H3C10: variants seen among roughly 807,000 people sequenced by gnomAD.
H3C10 encodes histone H3.1.
H3C10 carries 8 observed loss-of-function variants against 6.8 expected under a neutral mutation model. That is an observed-to-expected ratio of 1.17 (90% CI 0.69 to 2.12). H3C10 has a LOEUF of 2.12. Among genes scored for constraint, H3C10 ranks in the 30% most tolerant of loss-of-function variants. H3C10 has a pLI of 0.00. For synonymous variants in H3C10, 122 were observed against 81.3 expected, an observed-to-expected ratio of 1.50 and a Z score of -2.69; for missense variants, 163 against 195.3, an observed-to-expected ratio of 0.83 and a Z score of 0.98.
chr6:27,810,153 G>C lies in H3C10; in HGVS notation c.80G>C (p.Arg27Pro). 1 of 1,614,126 alleles carries C rather than the reference G, an allele frequency of 6.2e-7. No homozygotes were observed. The highest frequency in any genetic ancestry group is 8.5e-7 in the Non-Finnish European group (1 of 1,180,026). The part of the protein sequence containing the change: ...PRKQLATKAA[R>P]KSAPATGGVK... ...AAGCAGCTGGCCACCAAGGCGGCTCGGAAGAGCGCTCCGGCCACCGGCGGT... is the reference window on the plus strand; with the variant it reads ...AAGCAGCTGGCCACCAAGGCGGCTCCGAAGAGCGCTCCGGCCACCGGCGGT... Residue 27 changes from arginine to proline, a missense_variant, in exon 1 of 1, where the codon CGG becomes CCG. Coordinates refer to ENST00000685041, the MANE Select transcript of H3C10 (RefSeq NM_003536.3).
At position 27,810,082 on chromosome 6, in the gene H3C10, T is replaced by A; in HGVS notation, c.9T>A (p.Arg3=). MA[R]TKQTARKSTG... The stretch of plus-strand genomic sequence containing the variant: ...AATCTAGCTCTGAAGGCATGGCGCG[T>A]ACGAAGCAGACTGCTCGCAAGTCCA... Residue 3 remains arginine (R), a synonymous_variant, in exon 1 of 1, where the codon CGT becomes CGA. Coordinates refer to ENST00000685041, the MANE Select transcript of H3C10 (RefSeq NM_003536.3). The A allele has an allele frequency of 6.2e-7, 1 of 1,614,030 alleles. No homozygotes were observed. Among genetic ancestry groups the A allele is most frequent in the South Asian group, 1.1e-5 (1 of 91,074 alleles).
In H3C10 at chr6:27,810,073, C is replaced by T. The variant is rs554898930; in HGVS notation, c.-1C>T. 39 of 1,613,882 alleles carry T rather than the reference C, an allele frequency of 2.4e-5. No homozygotes were observed. The highest frequency in any genetic ancestry group is 7.7e-5 in the South Asian group (7 of 91,050). On this transcript the variant is annotated 5_prime_UTR_variant, in exon 1 of 1. Coordinates refer to ENST00000685041, the MANE Select transcript of H3C10 (RefSeq NM_003536.3). ...CCTGAAGTGAATCTAGCTCTGAAGG[C>T]ATGGCGCGTACGAAGCAGACTGCTC...
At position 27,810,258 on chromosome 6, in the gene H3C10, T is replaced by G. The variant is rs576241434; in HGVS notation, c.185T>G (p.Leu62Arg). Residue 62 changes from leucine (L) to arginine (R), a missense_variant, in exon 1 of 1, where the codon CTG becomes CGG. Physicochemically the swap from Leu to Arg is moderately radical, Grantham distance 102. Transcript: ENST00000685041. ...IRRYQKSTEL[L>R]IRKLPFQRLV... The stretch of plus-strand genomic sequence containing the variant: ...CGCTACCAGAAGTCCACCGAGCTGC[T>G]GATCAGAAAGCTGCCTTTTCAGCGT... 6.2e-7 allele frequency: 1 copy of G among 1,614,214 alleles called. No individual in the cohort carries two copies. Among genetic ancestry groups the G allele is most frequent in the African/African-American group, 1.3e-5 (1 of 75,056 alleles).
At position 27,810,282 on chromosome 6, in the gene H3C10, G is replaced by C; in HGVS notation, c.209G>C (p.Arg70Pro). ...ELLIRKLPFQ[R>P]LVREIAQDFK... ...CTGATCAGAAAGCTGCCTTTTCAGC[G>C]TCTGGTGCGTGAGATCGCGCAGGAC... Residue 70 changes from arginine (R) to proline (P), a missense_variant, in exon 1 of 1, where the codon CGT (arginine) becomes CCT (proline). Coordinates refer to ENST00000685041, the MANE Select transcript of H3C10 (RefSeq NM_003536.3). 1 of 1,614,218 alleles carries C rather than the reference G, an allele frequency of 6.2e-7. No homozygotes were observed. The highest frequency in any genetic ancestry group is 8.5e-7 in the Non-Finnish European group (1 of 1,180,040).
chr6:27,810,184 G>A lies in H3C10; in HGVS notation c.111G>A (p.Lys37=), dbSNP rs534197799. The A allele has an allele frequency of 6.2e-6, 10 of 1,614,180 alleles. No individual in the cohort carries two copies. In the African/African-American group the frequency reaches 6.7e-5, roughly 11 times the overall value. ...GCGCTCCGGCCACCGGCGGTGTCAA[G>A]AAGCCCCATCGCTATCGGCCTGGTA... ...RKSAPATGGV[K]KPHRYRPGTV... Residue 37 remains lysine (K), a synonymous_variant, in exon 1 of 1, where the codon AAG becomes AAA. Transcript: ENST00000685041.
In H3C10 at chr6:27,810,337, C is replaced by A; in HGVS notation, c.264C>A (p.Ser88=). 1.9e-6 allele frequency: 3 copies of A among 1,614,210 alleles called. No individual in the cohort carries two copies. The highest frequency in any genetic ancestry group is 2.5e-6 in the Non-Finnish European group (3 of 1,180,036). The stretch of plus-strand genomic sequence containing the variant: ...AGACCGACTTGCGCTTCCAGAGCTC[C>A]GCGGTGATGGCGCTGCAAGAGGCAT... ...DFKTDLRFQS[S]AVMALQEACE... Residue 88 remains serine (S), a synonymous_variant, in exon 1 of 1, where the codon TCC becomes TCA. Coordinates refer to ENST00000685041, the MANE Select transcript of H3C10 (RefSeq NM_003536.3).
In H3C10 at chr6:27,810,364, C is replaced by A. The variant is rs750386938; in HGVS notation, c.291C>A (p.Cys97Ter). 3 of 1,614,240 alleles carry A rather than the reference C, an allele frequency of 1.9e-6. No homozygotes were observed. Among genetic ancestry groups the A allele is most frequent in the Non-Finnish European group, 1.7e-6 (2 of 1,180,044 alleles). The change falls in exon 1 of 1, where the codon TGC (cysteine) becomes TGA (stop). Residue 97 changes from cysteine to a stop codon, truncating the protein, a stop_gained. Transcript: ENST00000685041. LOFTEE classifies it high-confidence loss of function. The stretch of plus-strand genomic sequence containing the variant: ...CGGTGATGGCGCTGCAAGAGGCATG[C>A]GAGGCCTACCTGGTGGGGCTCTTTG... ...SSAVMALQEACEAYLVGLFED... is the reference protein window; with the variant it reads ...SSAVMALQEA
Position 27,810,448 on chromosome 6 carries a change from C to T in H3C10, c.375C>T (p.Ile125=), listed in dbSNP as rs375158663. ...AKRVTIMPKD[I]QLARRIRGER... is the part of the protein sequence containing the mutation. ...GGGTGACTATCATGCCCAAGGACAT[C>T]CAGCTCGCACGTCGTATCCGCGGCG... is the stretch of plus-strand genomic sequence containing the variant. The change falls in exon 1 of 1, where the codon ATC becomes ATT. Residue 125 remains isoleucine, a synonymous_variant. Transcript: ENST00000685041. 1 of 1,614,130 alleles carries T rather than the reference C, an allele frequency of 6.2e-7. No individual in the cohort carries two copies. The highest frequency in any genetic ancestry group is 8.5e-7 in the Non-Finnish European group (1 of 1,179,996).
Position 27,810,265 on chromosome 6 carries a change from A to G in H3C10, c.192A>G (p.Arg64=), listed in dbSNP as rs1760534629. The G allele has an allele frequency of 1.9e-6, 3 of 1,614,192 alleles. No individual in the cohort carries two copies. The highest frequency in any genetic ancestry group is 2.5e-6 in the Non-Finnish European group (3 of 1,180,032). ...RYQKSTELLI[R]KLPFQRLVRE... Reference sequence around the variant, plus strand: ...AGAAGTCCACCGAGCTGCTGATCAGAAAGCTGCCTTTTCAGCGTCTGGTGC... The same window carrying G: ...AGAAGTCCACCGAGCTGCTGATCAGGAAGCTGCCTTTTCAGCGTCTGGTGC... The change falls in exon 1 of 1, where the codon AGA becomes AGG. Residue 64 remains arginine (R), a synonymous_variant. Transcript: ENST00000685041.
Position 27,810,273 on chromosome 6 carries a change from C to G in H3C10, c.200C>G (p.Pro67Arg). Reference protein sequence around the residue: ...KSTELLIRKLPFQRLVREIAQ... With the variant: ...KSTELLIRKLRFQRLVREIAQ... Reference sequence around the variant, plus strand: ...ACCGAGCTGCTGATCAGAAAGCTGCCTTTTCAGCGTCTGGTGCGTGAGATC... The same window carrying G: ...ACCGAGCTGCTGATCAGAAAGCTGCGTTTTCAGCGTCTGGTGCGTGAGATC... Residue 67 changes from proline to arginine, a missense_variant, in exon 1 of 1, where the codon CCT becomes CGT. Coordinates refer to ENST00000685041, the MANE Select transcript of H3C10 (RefSeq NM_003536.3). 1 of 1,614,238 alleles carries G rather than the reference C, an allele frequency of 6.2e-7. No individual in the cohort carries two copies. Among genetic ancestry groups the G allele is most frequent in the Non-Finnish European group, 8.5e-7 (1 of 1,180,042 alleles).
chr6:27,810,240 A>G lies in H3C10; in HGVS notation c.167A>G (p.Gln56Arg). 6.2e-7 allele frequency: 1 copy of G among 1,614,226 alleles called. No individual in the cohort carries two copies. The highest frequency in any genetic ancestry group is 1.7e-5 in the Admixed American group (1 of 60,034). ...TVALREIRRY[Q>R]KSTELLIRKL... ...GCTCTCCGCGAGATTCGCCGCTACC[A>G]GAAGTCCACCGAGCTGCTGATCAGA... Residue 56 changes from glutamine (Q) to arginine (R), a missense_variant, in exon 1 of 1, where the codon CAG (glutamine) becomes CGG (arginine). Transcript: ENST00000685041.
rs756702685 is a variant in H3C10 at position 27,810,346 on chromosome 6, G to A, written c.273G>A (p.Met91Ile). Reference sequence around the variant, plus strand: ...TGCGCTTCCAGAGCTCCGCGGTGATGGCGCTGCAAGAGGCATGCGAGGCCT... The same window carrying A: ...TGCGCTTCCAGAGCTCCGCGGTGATAGCGCTGCAAGAGGCATGCGAGGCCT... ...TDLRFQSSAV[M>I]ALQEACEAYL... The change falls in exon 1 of 1, where the codon ATG becomes ATA. Residue 91 changes from methionine to isoleucine, a missense_variant. By Grantham distance (10) the Met-to-Ile change is conservative. Transcript: ENST00000685041. The A allele has an allele frequency of 5.0e-6, 8 of 1,614,268 alleles. No individual in the cohort carries two copies. Among genetic ancestry groups the A allele is most frequent in the Middle Eastern group, 1.6e-4 (1 of 6,062 alleles).
In H3C10 at chr6:27,810,347, G is replaced by A. The variant is rs927346584; in HGVS notation, c.274G>A (p.Ala92Thr). 2 of 1,614,110 alleles carry A rather than the reference G, an allele frequency of 1.2e-6. No homozygotes were observed. Among genetic ancestry groups the A allele is most frequent in the Admixed American group, 1.7e-5 (1 of 60,008 alleles). ...DLRFQSSAVM[A>T]LQEACEAYLV... ...GCGCTTCCAGAGCTCCGCGGTGATG[G>A]CGCTGCAAGAGGCATGCGAGGCCTA... Residue 92 changes from alanine to threonine, a missense_variant, in exon 1 of 1, where the codon GCG (alanine) becomes ACG (threonine). Transcript: ENST00000685041.
Position 27,810,410 on chromosome 6 carries a change from A to G in H3C10, c.337A>G (p.Ile113Val). The G allele has an allele frequency of 3.7e-6, 6 of 1,614,212 alleles. No individual in the cohort carries two copies. The highest frequency in any genetic ancestry group is 5.1e-6 in the Non-Finnish European group (6 of 1,180,026). Residue 113 changes from isoleucine (I) to valine (V), a missense_variant, in exon 1 of 1, where the codon ATC becomes GTC. Transcript: ENST00000685041. Reference sequence around the variant, plus strand: ...CTTTGAGGACACCAACCTGTGCGCCATCCACGCCAAGCGGGTGACTATCAT... The same window carrying G: ...CTTTGAGGACACCAACCTGTGCGCCGTCCACGCCAAGCGGGTGACTATCAT... ...GLFEDTNLCA[I>V]HAKRVTIMPK...
In H3C10 at chr6:27,810,344, A is replaced by G. The variant is rs200980656; in HGVS notation, c.271A>G (p.Met91Val). 1 of 1,614,196 alleles carries G rather than the reference A, an allele frequency of 6.2e-7. No individual in the cohort carries two copies. The highest frequency in any genetic ancestry group is 2.2e-5 in the East Asian group (1 of 44,884). Residue 91 changes from methionine (M) to valine (V), a missense_variant, in exon 1 of 1, where the codon ATG becomes GTG. Coordinates refer to ENST00000685041, the MANE Select transcript of H3C10 (RefSeq NM_003536.3). ...CTTGCGCTTCCAGAGCTCCGCGGTG[A>G]TGGCGCTGCAAGAGGCATGCGAGGC... ...TDLRFQSSAV[M>V]ALQEACEAYL...
chr6:27,810,518 C>T lies in H3C10; in HGVS notation c.*34C>T, dbSNP rs1760542184. On this transcript the variant is annotated 3_prime_UTR_variant, in exon 1 of 1. Transcript: ENST00000685041. ...GACTCACTGATTACATACCCAAAGG[C>T]TCTTTTCAGAGCCACCCACATGCGC... 1.9e-6 allele frequency: 3 copies of T among 1,592,796 alleles called. No homozygotes were observed. The East Asian group carries it at 6.7e-5, about 36-fold the overall frequency.
chr6:27,810,054 G>A lies in H3C10; in HGVS notation c.-20G>A, dbSNP rs372054890. ...CGGCTAGCTTTCTCTTTCTCCTGAA[G>A]TGAATCTAGCTCTGAAGGCATGGCG... is the stretch of plus-strand genomic sequence containing the variant. On this transcript the variant is annotated 5_prime_UTR_variant, in exon 1 of 1. It adds an upstream start codon to the 5' untranslated region. Coordinates refer to ENST00000685041, the MANE Select transcript of H3C10 (RefSeq NM_003536.3). 11 of 1,611,486 alleles carry A rather than the reference G, an allele frequency of 6.8e-6. No homozygotes were observed. The highest frequency in any genetic ancestry group is 5.4e-5 in the African/African-American group (4 of 74,720).
In H3C10 at chr6:27,810,349, G is replaced by A. The variant is rs780701182; in HGVS notation, c.276G>A (p.Ala92=). 1.9e-6 allele frequency: 3 copies of A among 1,614,104 alleles called. No homozygotes were observed. The highest frequency in any genetic ancestry group is 3.3e-5 in the Admixed American group (2 of 60,006). Residue 92 remains alanine (A), a synonymous_variant, in exon 1 of 1, where the codon GCG becomes GCA. Coordinates refer to ENST00000685041, the MANE Select transcript of H3C10 (RefSeq NM_003536.3). ...DLRFQSSAVM[A]LQEACEAYLV... is the part of the protein sequence containing the mutation. ...GCTTCCAGAGCTCCGCGGTGATGGCGCTGCAAGAGGCATGCGAGGCCTACC... is the reference window on the plus strand; with the variant it reads ...GCTTCCAGAGCTCCGCGGTGATGGCACTGCAAGAGGCATGCGAGGCCTACC...
At position 27,810,162 on chromosome 6, in the gene H3C10, C is replaced by G; in HGVS notation, c.89C>G (p.Ala30Gly). The G allele has an allele frequency of 6.2e-7, 1 of 1,614,162 alleles. No individual in the cohort carries two copies. Among genetic ancestry groups the G allele is most frequent in the Non-Finnish European group, 8.5e-7 (1 of 1,180,022 alleles). The change falls in exon 1 of 1, where the codon GCT (alanine) becomes GGT (glycine). Residue 30 changes from alanine to glycine, a missense_variant. Transcript: ENST00000685041. ...GCCACCAAGGCGGCTCGGAAGAGCG[C>G]TCCGGCCACCGGCGGTGTCAAGAAG... ...QLATKAARKS[A>G]PATGGVKKPH...
Sources: gnomAD v4.1 joint callset for allele counts on GRCh38, gnomAD v4.1.1 for gene constraint, MANE v1.5 for transcripts, NCBI Gene and HGNC (gene_info 2026-07-23, HGNC 2026-07-21) for gene names.